CDH12: variants seen among roughly 807,000 people sequenced by gnomAD.
The protein encoded by CDH12 is cadherin 12.
CDH12 carries 41 observed loss-of-function variants against 74.1 expected under a neutral mutation model. The ratio of observed to expected loss-of-function variants is 0.55; its 90% confidence interval spans 0.43 to 0.72. The LOEUF (loss-of-function observed/expected upper bound fraction) is 0.72. Ranked by LOEUF, CDH12 falls within the 30% of genes least tolerant of loss-of-function variation. CDH12 has a pLI of 0.00. For missense variants in CDH12, 945 were observed against 977.2 expected (o/e 0.97, Z 0.44); for synonymous variants, 399 against 355.0 (o/e 1.12, Z -1.39).
At position 21,858,905 on chromosome 5, in the gene CDH12, T is replaced by C. The variant is rs567393968; in HGVS notation, c.527-4115A>G. On this transcript the variant is annotated intron_variant, in intron 6 of 14. Coordinates refer to ENST00000382254, the MANE Select transcript of CDH12 (RefSeq NM_004061.5). ...CTTGTATAGAGCACGTTTTGAAATA[T>C]GTATACATTGTGGAATGACTAAACT... Among the ~76,000 whole-genome samples the C allele has an allele frequency of 5.3e-5, 8 of 152,092 alleles. No individual in the cohort carries two copies. In the East Asian group the frequency reaches 1.2e-3, roughly 22 times the overall value.
At chr5:22,644,823 A>T (rs1739351586) in intron 1 of CDH12, among the ~76,000 whole-genome samples, 1 of 152,024 alleles carries the variant, frequency 6.6e-6, no homozygotes, top group Non-Finnish European at 1.5e-5. Context: ...ACTAAATTGA[A>T]GCCAGTGATC....
At chr5:21,927,062 C>G (rs916322256) in intron 6 of CDH12, among the ~76,000 whole-genome samples, 1 of 152,170 alleles carries the variant, frequency 6.6e-6, no homozygotes, top group African/African-American at 2.4e-5. Context: ...TCATAGCAAA[C>G]AAGTCAGCAT....
chr5:21,815,075 C>T (rs1006638523), intron 9 of CDH12, among the ~76,000 whole-genome samples: 1 of 151,786 alleles, frequency 6.6e-6, no homozygotes, highest in Non-Finnish European at 1.5e-5. Flanking sequence ...AATTTTTGCA[C>T]AATAGTAGAA....
rs748797671 is a variant in CDH12 at position 22,125,173 on chromosome 5, ATGG to A, written c.-186-46314_-186-46312del. On this transcript the variant is annotated intron_variant, in intron 4 of 14. Coordinates refer to ENST00000382254, the MANE Select transcript of CDH12 (RefSeq NM_004061.5). ...TGTGTCACATAGGTATACATGTACC[ATGG>A]TGGTTTGCTGTACCTATCAACCTGT... 1.2e-4 allele frequency among the ~76,000 whole-genome samples: 19 copies of A among 152,100 alleles called. No individual in the cohort carries two copies. In the East Asian group the frequency reaches 3.7e-3, roughly 30 times the overall value.
intron 1 of CDH12, among the ~76,000 whole-genome samples, chr5:22,754,836 T>C (rs1745805144): frequency 6.6e-6 from 1 of 152,214 alleles, no homozygotes. Flanking sequence ...TAGGTGTTTA[T>C]AGGAGGAAGT....
intron 4 of CDH12, among the ~76,000 whole-genome samples, chr5:22,105,080 C>A (rs1180900370): frequency 6.6e-6 from 1 of 151,684 alleles, no homozygotes; most frequent in African/African-American, 2.4e-5. Context: ...GTCTCTGTTT[C>A]CAAATTTCTG....
intron 5 of CDH12, among the ~76,000 whole-genome samples, chr5:22,014,466 G>A (rs2963568): frequency 2.0e-5 from 3 of 152,060 alleles, no homozygotes; most frequent in African/African-American, 4.8e-5. Flanking sequence ...GTATGCAAAG[G>A]CTTCATATAT....
chr5:22,255,204 A>T (rs1042494191), intron 3 of CDH12, among the ~76,000 whole-genome samples: 6 of 151,854 alleles, frequency 4.0e-5, no homozygotes, highest in African/African-American at 7.2e-5. Context: ...CTAAAGGGAA[A>T]GTGGGAAGTG....
At chr5:22,728,516 TTAAAA>T (rs1226277820) in intron 1 of CDH12, among the ~76,000 whole-genome samples, 1 of 151,952 alleles carries the variant, frequency 6.6e-6, no homozygotes, top group Non-Finnish European at 1.5e-5. Context: ...CCTTGAGGAC[TTAAAA>T]TAATATTAAA....
intron 6 of CDH12, among the ~76,000 whole-genome samples, chr5:21,959,524 G>GA (rs1481588639): frequency 6.6e-6 from 1 of 152,008 alleles, no homozygotes. Context: ...AGGAATGGAG[G>GA]AAAATCTACC....
chr5:22,606,750 C>A (rs1737138285), intron 1 of CDH12, among the ~76,000 whole-genome samples: 1 of 152,062 alleles, frequency 6.6e-6, no homozygotes, highest in Admixed American at 6.6e-5. Context: ...TGGGGCACTG[C>A]TATAAAGATA....
intron 5 of CDH12, among the ~76,000 whole-genome samples, chr5:21,999,366 G>A (rs1736473668): frequency 6.6e-6 from 1 of 152,136 alleles, no homozygotes; most frequent in Non-Finnish European, 1.5e-5. Flanking sequence ...GATTCAAAAT[G>A]TGGGTCTAAA....
chr5:22,296,316 A>G (rs1580494099), intron 3 of CDH12, among the ~76,000 whole-genome samples: 2 of 152,070 alleles, frequency 1.3e-5, no homozygotes, highest in African/African-American at 4.8e-5. Context: ...AAATAAAGAA[A>G]ATCAGAGACC....
chr5:22,182,452 T>A (rs1749699622), intron 4 of CDH12, among the ~76,000 whole-genome samples: 1 of 152,200 alleles, frequency 6.6e-6, no homozygotes, highest in Non-Finnish European at 1.5e-5. Flanking sequence ...GTTCAGCACC[T>A]AGTTTGGTAG....
intron 5 of CDH12, among the ~76,000 whole-genome samples, chr5:21,991,416 A>G (rs911150665): frequency 6.6e-6 from 1 of 151,160 alleles, no homozygotes; most frequent in African/African-American, 2.4e-5. Context: ...AAAAAATGAA[A>G]AAATGGTATT....
chr5:22,030,822 C>T lies in CDH12; in HGVS notation c.231+47624G>A, dbSNP rs143357147. Among the ~76,000 whole-genome samples, 191 of 152,224 alleles carry T rather than the reference C, an allele frequency of 1.3e-3. 4 individuals carry two copies. Among genetic ancestry groups the T allele is most frequent in the South Asian group, 0.01 (49 of 4,830 alleles). On this transcript the variant is annotated intron_variant, in intron 5 of 14. Transcript: ENST00000382254. ...TGTTTAATGTAGCTACATTTATCAA[C>T]GATATTAGCAAGATCTTTTGGATAA...
chr5:22,195,161 A>G (rs1750548626), intron 4 of CDH12, among the ~76,000 whole-genome samples: 1 of 152,234 alleles, frequency 6.6e-6, no homozygotes. Flanking sequence ...ATTTGAGACC[A>G]AGGTCGTAGC....
rs1742554075 is a variant in CDH12 at position 22,698,738 on chromosome 5, G to A, written c.-523+154320C>T. 3.7e-3 allele frequency among the ~76,000 whole-genome samples: 67 copies of A among 18,132 alleles called. 9 individuals carry two copies. Among genetic ancestry groups the A allele is most frequent in the Non-Finnish European group, 5.9e-3 (47 of 8,004 alleles). 11.9% of individuals were successfully genotyped at this position (18,132 alleles called of 152,430 possible). ...ATATATATATATATATATATATAGT[G>A]TGTGTGTGTGTGTGTGTGTGTGTGT... is the stretch of plus-strand genomic sequence containing the variant. On this transcript the variant is annotated intron_variant, in intron 1 of 14. Transcript: ENST00000382254.
chr5:22,750,291 T>G (rs1178119633), intron 1 of CDH12, among the ~76,000 whole-genome samples: 1 of 152,060 alleles, frequency 6.6e-6, no homozygotes, highest in Non-Finnish European at 1.5e-5. Context: ...TGTAGAGCCT[T>G]GAATATCATG....
Sources: allele counts gnomAD v4.1 joint callset (sites outside exome capture counted in the v4.1 genomes callset), GRCh38; gene constraint gnomAD v4.1.1; transcripts MANE v1.5; gene names NCBI Gene and HGNC (gene_info 2026-07-23, HGNC 2026-07-21).